The following RP1L1 variants were observed in gnomAD, a reference collection of about 807,000 sequenced individuals.
RP1L1 encodes RP1 like 1.
A neutral mutation model predicts 15.7 loss-of-function variants in RP1L1; 27 were observed. The ratio of observed to expected loss-of-function variants is 1.72; its 90% CI spans 1.27 to 2.38. The LOEUF (loss-of-function observed/expected upper bound fraction) is 2.38. Ranked by LOEUF, RP1L1 falls within the 30% of genes most tolerant of loss-of-function variation. RP1L1 has a pLI of 0.00. For missense variants in RP1L1, 4,798 were observed against 3,075.9 expected, an observed-to-expected ratio of 1.56 and a Z score of -13.24; for synonymous variants, 1,813 against 1,276.7, an observed-to-expected ratio of 1.42 and a Z score of -8.96.
chr8:10,610,059 C>A lies in RP1L1; in HGVS notation c.4039G>T (p.Glu1347Ter). 2.0e-6 allele frequency: 2 copies of A among 1,010,418 alleles called. No individual in the cohort carries two copies. Among genetic ancestry groups the A allele is most frequent in the Non-Finnish European group, 1.3e-6 (1 of 761,338 alleles). The allele number at this position is 1,010,418 out of a possible 1,614,324, so 62.6% of individuals were successfully genotyped here. Reference protein sequence around the residue: ...QLEETKETEGEGQQEEEAQLE... With the variant: ...QLEETKETEG ...TGCGCCTCTTCTTCTTGCTGTCCTT[C>A]TCCTTCTGTTTCTTTAGTTTCCTCT... Residue 1347 changes from glutamate (E) to a stop codon, truncating the protein, a stop_gained, in exon 4 of 4, where the codon GAA becomes TAA. Transcript: ENST00000382483. LOFTEE classifies it low-confidence loss of function (END_TRUNC).
chr8:10,638,348 C>T (rs1280213484), intron 1 of RP1L1, among the ~76,000 whole-genome samples: 2 of 152,118 alleles, frequency 1.3e-5, no homozygotes, highest in Non-Finnish European at 1.5e-5. Flanking sequence ...ATAGAAACTT[C>T]CCCTGAATGC....
In RP1L1 at chr8:10,607,109, G is replaced by C. The variant is rs1240006955; in HGVS notation, c.6989C>G (p.Ser2330Cys). Residue 2330 changes from serine to cysteine, a missense_variant, in exon 4 of 4, where the codon TCC becomes TGC. Coordinates refer to ENST00000382483, the MANE Select transcript of RP1L1 (RefSeq NM_178857.6). Reference sequence around the variant, plus strand: ...CCTCTCTGCATGAGGGGTCCCCGTGGACTTGGCATCAGGGCTCCTTGTGTC... The same window carrying C: ...CCTCTCTGCATGAGGGGTCCCCGTGCACTTGGCATCAGGGCTCCTTGTGTC... ...LGDTRSPDAK[S>C]TGTPHAERKA... 5 of 1,614,092 alleles carry C rather than the reference G, an allele frequency of 3.1e-6. No homozygotes were observed. The highest frequency in any genetic ancestry group is 3.4e-6 in the Non-Finnish European group (4 of 1,180,048).
chr8:10,629,048 A>G (rs1585987065), intron 1 of RP1L1, among the ~76,000 whole-genome samples: 6 of 152,226 alleles, frequency 3.9e-5, no homozygotes, highest in Admixed American at 3.9e-4. Context: ...AGTGCTGGAC[A>G]AATGTTTGAA....
chr8:10,621,235 C>T (rs7017819), intron 2 of RP1L1: 26,349 of 154,490 alleles, frequency 0.17, 2,776 homozygotes, highest in East Asian at 0.37. Context: ...AGAAGGTGAA[C>T]GTGTTTTTGA....
Position 10,612,379 on chromosome 8 carries a change from G to T in RP1L1, c.1719C>A (p.Asp573Glu), listed in dbSNP as rs758199136. ...TSQQEASEGGDPASPALSLSS... is the reference protein window; with the variant it reads ...TSQQEASEGGEPASPALSLSS... ...AAAGACTCAGGGCTGGAGAAGCGGG[G>T]TCGCCTCCCTCGCTGGCCTCCTGCT... The change falls in exon 4 of 4, where the codon GAC becomes GAA. Residue 573 changes from aspartate (D) to glutamate (E), a missense_variant. Transcript: ENST00000382483. 1.1e-5 allele frequency: 17 copies of T among 1,612,806 alleles called. No homozygotes were observed. Among genetic ancestry groups the T allele is most frequent in the Middle Eastern group, 1.6e-4 (1 of 6,084 alleles).
At position 10,607,088 on chromosome 8, in the gene RP1L1, T is replaced by C. The variant is rs748831930; in HGVS notation, c.7010A>G (p.Glu2337Gly). ...TGGGTACATCCTGGTGGCCTTCCTC[T>C]CTGCATGAGGGGTCCCCGTGGACTT... is the stretch of plus-strand genomic sequence containing the variant. ...DAKSTGTPHA[E>G]RKATRMYPES... is the part of the protein sequence containing the mutation. Residue 2337 changes from glutamate (E) to glycine (G), a missense_variant, in exon 4 of 4, where the codon GAG becomes GGG. Physicochemically the swap from Glu to Gly is moderately conservative, Grantham distance 98. Transcript: ENST00000382483. 8 of 1,614,078 alleles carry C rather than the reference T, an allele frequency of 5.0e-6. No homozygotes were observed. The East Asian group carries it at 8.9e-5, about 18-fold the overall frequency.
At chr8:10,646,370 T>C (rs947102280) in intron 1 of RP1L1, among the ~76,000 whole-genome samples, 5 of 152,186 alleles carry the variant, frequency 3.3e-5, no homozygotes, top group African/African-American at 4.8e-5. Context: ...GTTTTCTGAA[T>C]CGCTGGGAGC....
Position 10,610,751 on chromosome 8 carries a change from C to T in RP1L1, c.3347G>A (p.Gly1116Glu), listed in dbSNP as rs367582741. The T allele has an allele frequency of 6.8e-6, 11 of 1,613,436 alleles. No individual in the cohort carries two copies. The East Asian group carries it at 1.8e-4, about 26-fold the overall frequency. The change falls in exon 4 of 4, where the codon GGG (glycine) becomes GAG (glutamate). Residue 1116 changes from glycine to glutamate, a missense_variant. Gly to Glu is a moderately conservative substitution (Grantham distance 98, BLOSUM62 -2). Coordinates refer to ENST00000382483, the MANE Select transcript of RP1L1 (RefSeq NM_178857.6). ...PMARRLSCSA[G>E]ALITCLASLQ... The stretch of plus-strand genomic sequence containing the variant: ...ACTGGCCAGACAAGTAATGAGGGCC[C>T]CGGCTGAGCAGCTGAGCCTCCTGGC...
Position 10,607,160 on chromosome 8 carries a change from T to C in RP1L1, c.6938A>G (p.Asp2313Gly). The C allele has an allele frequency of 6.2e-7, 1 of 1,614,168 alleles. No individual in the cohort carries two copies. The highest frequency in any genetic ancestry group is 8.5e-7 in the Non-Finnish European group (1 of 1,180,026). ...ASSWGNCWQKDSENDHVLGDT... is the reference protein window; with the variant it reads ...ASSWGNCWQKGSENDHVLGDT... Reference sequence around the variant, plus strand: ...TCCAAGTACATGGTCATTTTCTGAGTCTTTCTGCCAGCAGTTGCCCCAAGA... The same window carrying C: ...TCCAAGTACATGGTCATTTTCTGAGCCTTTCTGCCAGCAGTTGCCCCAAGA... Residue 2313 changes from aspartate to glycine, a missense_variant, in exon 4 of 4, where the codon GAC (aspartate) becomes GGC (glycine). Asp to Gly is a moderately conservative substitution (Grantham distance 94). Coordinates refer to ENST00000382483, the MANE Select transcript of RP1L1 (RefSeq NM_178857.6).
chr8:10,627,079 T>A (rs948629798), intron 1 of RP1L1, among the ~76,000 whole-genome samples: 2 of 149,830 alleles, frequency 1.3e-5, no homozygotes, highest in East Asian at 2.0e-4. Flanking sequence ...GTATGGCGGG[T>A]CCTCAAAAAT....
chr8:10,628,329 G>A (rs1798189316), intron 1 of RP1L1, among the ~76,000 whole-genome samples: 1 of 152,116 alleles, frequency 6.6e-6, no homozygotes, highest in South Asian at 2.1e-4. Flanking sequence ...AATTGTCTAG[G>A]TAATAGCCCC....
chr8:10,640,579 G>A (rs1306684406), intron 1 of RP1L1, among the ~76,000 whole-genome samples: 1 of 151,838 alleles, frequency 6.6e-6, no homozygotes, highest in Non-Finnish European at 1.5e-5. Context: ...CTTGAACCCA[G>A]CAGGTGGAGA....
chr8:10,622,074 C>G (rs1472743649), intron 2 of RP1L1, among the ~76,000 whole-genome samples: 1 of 152,154 alleles, frequency 6.6e-6, no homozygotes, highest in Non-Finnish European at 1.5e-5. Flanking sequence ...GTAATCCCAG[C>G]ACTTTGGGAG....
rs1192707885 is a variant in RP1L1, at chr8:10,608,671, C to G, written c.5427G>C (p.Gly1809=). The G allele has an allele frequency of 6.2e-7, 1 of 1,614,192 alleles. No individual in the cohort carries two copies. The highest frequency in any genetic ancestry group is 8.5e-7 in the Non-Finnish European group (1 of 1,180,040). The change falls in exon 4 of 4, where the codon GGG becomes GGC. Residue 1809 remains glycine, a synonymous_variant. Coordinates refer to ENST00000382483, the MANE Select transcript of RP1L1 (RefSeq NM_178857.6). ...ERGETGGQGS[G]HEDNLQGEAA... is the part of the protein sequence containing the mutation. ...CTTCACCCTGCAAGTTGTCCTCATG[C>G]CCAGAGCCTTGACCCCCAGTTTCTC... is the stretch of plus-strand genomic sequence containing the variant.
Position 10,610,422 on chromosome 8 carries a change from G to C in RP1L1, c.3676C>G (p.Gln1226Glu), listed in dbSNP as rs1797823343. 6.2e-7 allele frequency: 1 copy of C among 1,613,764 alleles called. No individual in the cohort carries two copies. The highest frequency in any genetic ancestry group is 1.3e-5 in the African/African-American group (1 of 74,904). Residue 1226 changes from glutamine to glutamate, a missense_variant, in exon 4 of 4, where the codon CAG (glutamine) becomes GAG (glutamate). Transcript: ENST00000382483. ...PCAMDGTLVTQGTELPLKTSN... is the reference protein window; with the variant it reads ...PCAMDGTLVTEGTELPLKTSN... Reference sequence around the variant, plus strand: ...GTTTTCAGGGGCAGCTCTGTCCCCTGTGTCACCAGGGTGCCGTCCATGGCA... The same window carrying C: ...GTTTTCAGGGGCAGCTCTGTCCCCTCTGTCACCAGGGTGCCGTCCATGGCA...
Position 10,612,117 on chromosome 8 carries a change from G to T in RP1L1, c.1981C>A (p.Pro661Thr), listed in dbSNP as rs755394906. Residue 661 changes from proline to threonine, a missense_variant, in exon 4 of 4, where the codon CCG becomes ACG. Transcript: ENST00000382483. Reference protein sequence around the residue: ...PSSPGLGRVAPRGHPRHSHYR... With the variant: ...PSSPGLGRVATRGHPRHSHYR... ...TGAGAATGCCTGGGATGGCCTCTCGGGGCCACTCGGCCAAGGCCAGGGCTG... is the reference window on the plus strand; with the variant it reads ...TGAGAATGCCTGGGATGGCCTCTCGTGGCCACTCGGCCAAGGCCAGGGCTG... 2 of 1,613,714 alleles carry T rather than the reference G, an allele frequency of 1.2e-6. No individual in the cohort carries two copies. The highest frequency in any genetic ancestry group is 1.1e-5 in the South Asian group (1 of 91,088).
In RP1L1 at chr8:10,613,224, G is replaced by T; in HGVS notation, c.874C>A (p.His292Asn). The change falls in exon 4 of 4, where the codon CAC (histidine) becomes AAC (asparagine). Residue 292 changes from histidine (H) to asparagine (N), a missense_variant. Coordinates refer to ENST00000382483, the MANE Select transcript of RP1L1 (RefSeq NM_178857.6). ...NPPVGPAPGRHPQDTPAQSGP... is the reference protein window; with the variant it reads ...NPPVGPAPGRNPQDTPAQSGP... ...GACTGAGCTGGCGTGTCCTGAGGGT[G>T]CCTGCCAGGAGCAGGGCCCACCGGG... The T allele has an allele frequency of 1.2e-6, 2 of 1,613,218 alleles. No individual in the cohort carries two copies. The highest frequency in any genetic ancestry group is 1.7e-6 in the Non-Finnish European group (2 of 1,180,020).
intron 1 of RP1L1, among the ~76,000 whole-genome samples, chr8:10,651,267 T>C (rs1798556036): frequency 6.6e-6 from 1 of 152,122 alleles, no homozygotes. Context: ...GCAATCTGTG[T>C]TTTACCAAAA....
chr8:10,627,583 G>C (rs1382596079), intron 1 of RP1L1, among the ~76,000 whole-genome samples: 1 of 151,362 alleles, frequency 6.6e-6, no homozygotes, highest in Non-Finnish European at 1.5e-5. Flanking sequence ...GCACAGGACT[G>C]TACACTTACA....
Sources: allele counts gnomAD v4.1 joint callset (sites outside exome capture counted in the v4.1 genomes callset), GRCh38; gene constraint gnomAD v4.1.1; transcripts MANE v1.5; gene names NCBI Gene and HGNC (gene_info 2026-07-23, HGNC 2026-07-21).